REPS1: variants seen among roughly 807,000 people sequenced by gnomAD.
REPS1 encodes ralBP1-associated Eps domain-containing protein 1.
In REPS1, 39 loss-of-function variants were observed where a neutral mutation model predicts 100.9. The ratio of observed to expected loss-of-function variants is 0.39; its 90% CI spans 0.30 to 0.50. The LOEUF (loss-of-function observed/expected upper bound fraction) is 0.50, where lower values mean the gene tolerates loss of function less well. Ranked by LOEUF, REPS1 falls within the 20% of genes least tolerant of loss-of-function variation. The probability of loss-of-function intolerance (pLI) is 0.86; values close to 1 mark genes in which losing one functional copy is unlikely to be tolerated. For synonymous variants in REPS1, 324 were observed against 340.3 expected (o/e 0.95, Z 0.53); for missense variants, 821 against 968.5 (o/e 0.85, Z 2.02).
At chr6:138,965,364 G>T (rs112115100) in intron 1 of REPS1, among the ~76,000 whole-genome samples, 191 of 151,258 alleles carry the variant, frequency 1.3e-3, no homozygotes, top group African/African-American at 4.2e-3. Flanking sequence ...CGACAAAAAG[G>T]CTTTAAAAAA....
intron 10 of REPS1, among the ~76,000 whole-genome samples, chr6:138,924,309 T>C (rs1780962947): frequency 6.6e-6 from 1 of 152,204 alleles, no homozygotes; most frequent in Admixed American, 6.5e-5. Context: ...TTAATCACTC[T>C]ATTTTCCTAG....
At chr6:138,912,309 A>C (rs1436281301) in intron 16 of REPS1, among the ~76,000 whole-genome samples, 1 of 152,194 alleles carries the variant, frequency 6.6e-6, no homozygotes, top group Non-Finnish European at 1.5e-5. Flanking sequence ...CTCTCATACA[A>C]ATTTTAAATG....
chr6:138,929,814 C>A, intron 9 of REPS1, 163 bp downstream of exon 9: 1 of 632,834 alleles, frequency 1.6e-6, no homozygotes, highest in Non-Finnish European at 2.6e-6. Context: ...ACTTTGAAAA[C>A]CTCGAAAAAG....
chr6:138,939,562 C>A (rs1782095377), intron 8 of REPS1, among the ~76,000 whole-genome samples: 1 of 152,144 alleles, frequency 6.6e-6, no homozygotes, highest in African/African-American at 2.4e-5. Context: ...ATCAGACAAG[C>A]CTCTACAAAA....
intron 8 of REPS1, among the ~76,000 whole-genome samples, chr6:138,940,323 T>C (rs1264390487): frequency 6.6e-6 from 1 of 152,234 alleles, no homozygotes; most frequent in Non-Finnish European, 1.5e-5. Context: ...AGAGTATAGA[T>C]GGAAACACTG....
At chr6:138,926,512 T>C (rs955976036) in intron 9 of REPS1, 31 bp from the exon 10 acceptor site, 1 of 1,484,420 alleles carries the variant, frequency 6.7e-7, no homozygotes, top group Non-Finnish European at 9.4e-7. Context: ...CAAGTCAGCA[T>C]GATGAGAAAG....
At position 138,978,987 on chromosome 6, in the gene REPS1, C is replaced by T. The variant is rs1213009565; in HGVS notation, c.153+8543G>A. Among the ~76,000 whole-genome samples the T allele has an allele frequency of 2.6e-5, 4 of 152,104 alleles. 1 individual carries two copies. The highest frequency in any genetic ancestry group is 3.4e-3 in the Middle Eastern group (1 of 294). The stretch of plus-strand genomic sequence containing the variant: ...CACGAGATCAGCAGTTCGAGACCAG[C>T]CTGGCCAACATGGTGAAACCCTGTC... On this transcript the variant is annotated intron_variant, in intron 1 of 19. Coordinates refer to ENST00000450536, the MANE Select transcript of REPS1 (RefSeq NM_001286611.2).
chr6:138,972,497 G>C (rs1034303868), intron 1 of REPS1, among the ~76,000 whole-genome samples: 7 of 152,010 alleles, frequency 4.6e-5, no homozygotes, highest in Admixed American at 4.6e-4. Flanking sequence ...TTATGGGAAT[G>C]CTATACCTTC....
intron 8 of REPS1, among the ~76,000 whole-genome samples, chr6:138,938,086 T>C (rs960076227): frequency 3.3e-5 from 5 of 152,178 alleles, no homozygotes; most frequent in Non-Finnish European, 7.4e-5. Context: ...TTTCTGCAGA[T>C]GAATTTTTGT....
At chr6:138,946,952 G>A (rs1782653091) in intron 2 of REPS1, among the ~76,000 whole-genome samples, 1 of 152,070 alleles carries the variant, frequency 6.6e-6, no homozygotes, top group South Asian at 2.1e-4. Flanking sequence ...GATCATGGGG[G>A]CGGTTCCCCC....
Position 138,931,685 on chromosome 6 carries a change from C to CA in REPS1, c.1136-1588dup, listed in dbSNP as rs747363823. ...ATATTATTCTATGAAGACCTCAACTCAAAGTTCTTAGAGAAGAACTTATGA... is the reference window on the plus strand; with the variant it reads ...ATATTATTCTATGAAGACCTCAACTCAAAAGTTCTTAGAGAAGAACTTATGA... On this transcript the variant is annotated intron_variant, in intron 8 of 19. Transcript: ENST00000450536. Among the ~76,000 whole-genome samples, 46 of 151,990 alleles carry CA rather than the reference C, an allele frequency of 3.0e-4. 1 individual carries two copies. The highest frequency in any genetic ancestry group is 2.0e-3 in the Admixed American group (30 of 15,276).
intron 1 of REPS1, among the ~76,000 whole-genome samples, chr6:138,976,907 A>T (rs984059730): frequency 2.0e-5 from 3 of 152,228 alleles, no homozygotes; most frequent in African/African-American, 7.2e-5. Flanking sequence ...CTATCAGTAC[A>T]TCATCTTTCA....
At position 138,926,418 on chromosome 6, in the gene REPS1, T is replaced by C. The variant is rs770331427; in HGVS notation, c.1321A>G (p.Ile441Val). 3.1e-6 allele frequency: 5 copies of C among 1,612,086 alleles called. No individual in the cohort carries two copies. The highest frequency in any genetic ancestry group is 4.2e-6 in the Non-Finnish European group (5 of 1,178,548). Residue 441 changes from isoleucine (I) to valine (V), a missense_variant, in exon 10 of 20, where the codon ATT becomes GTT. Around this residue, in one of 3 missense-constraint regions of REPS1, gnomAD observed 757 missense variants for 866.4 expected, o/e 0.87. Transcript: ENST00000450536. ...TGACTTACAGGATCAGCTGGTGCAA[T>C]GTTAGAATCAAATTGGGTCAGAGTT... is the stretch of plus-strand genomic sequence containing the variant. ...SQTLTQFDSN[I>V]APADPDTAIV...
chr6:138,934,046 T>A (rs1448939262), intron 8 of REPS1, among the ~76,000 whole-genome samples: 1 of 152,238 alleles, frequency 6.6e-6, no homozygotes. Context: ...TACGCATTGC[T>A]TCTTTCCTAT....
intron 1 of REPS1, among the ~76,000 whole-genome samples, chr6:138,963,026 C>A (rs1303721766): frequency 6.6e-6 from 1 of 152,008 alleles, no homozygotes; most frequent in East Asian, 1.9e-4. Context: ...AATGTATAAC[C>A]CCAATCTTCC....
intron 10 of REPS1, among the ~76,000 whole-genome samples, chr6:138,921,567 CTTTTTTTTTTTTTTT>C (rs755518526): frequency 5.2e-5 from 3 of 57,644 alleles, no homozygotes; most frequent in African/African-American, 2.1e-4. Flanking sequence ...TAGGAGGATC[CTTTTTTTTTTTTTTT>C]TTTTTTTTTT....
At chr6:138,929,616 C>A (rs1048533723) in intron 9 of REPS1, 1 of 171,794 alleles carries the variant, frequency 5.8e-6, no homozygotes, top group African/African-American at 2.4e-5. Context: ...GGCAGTGTGA[C>A]ACAGTGGATG....
chr6:138,945,109 T>G (rs1311325728), intron 4 of REPS1, 110 bp downstream of exon 4: 2 of 932,066 alleles, frequency 2.1e-6, no homozygotes, highest in Non-Finnish European at 3.1e-6. Context: ...GGCACAAGCC[T>G]ATAATCCCCA....
intron 1 of REPS1, among the ~76,000 whole-genome samples, chr6:138,972,002 T>A (rs138766667): frequency 1.3e-5 from 2 of 152,282 alleles, no homozygotes; most frequent in African/African-American, 4.8e-5. Flanking sequence ...GAAATCTGAG[T>A]TTTATTCACA....
Sources: gnomAD v4.1 joint callset for allele counts (sites outside exome capture counted in the v4.1 genomes callset) on GRCh38, gnomAD v4.1.1 for gene constraint, gnomAD v4.1.1 regional missense constraint, MANE v1.5 for transcripts, NCBI Gene and HGNC (gene_info 2026-07-23, HGNC 2026-07-21) for gene names.